The following GLDC variants were observed in gnomAD, a reference collection of about 807,000 sequenced individuals.
The protein encoded by GLDC is glycine decarboxylase, also known as glycine dehydrogenase (decarboxylating), mitochondrial.
A neutral mutation model predicts 121.3 loss-of-function variants in GLDC; 104 were observed. That is an observed-to-expected ratio of 0.86 (90% CI 0.73 to 1.01). The LOEUF is 1.01. Among genes scored for constraint, GLDC ranks in the 50% least tolerant of loss-of-function variants. The probability of loss-of-function intolerance (pLI) is 0.00; values close to 1 mark genes in which losing one functional copy is unlikely to be tolerated. For synonymous variants in GLDC, 546 were observed against 480.6 expected (o/e 1.14, Z -1.78); for missense variants, 1,429 against 1,306.6 (o/e 1.09, Z -1.44).
intron 15 of GLDC, among the ~76,000 whole-genome samples, chr9:6,576,137 C>T (rs968853192): frequency 1.3e-5 from 2 of 152,194 alleles, no homozygotes; most frequent in Admixed American, 1.3e-4. Context: ...TGGTTATTGT[C>T]TTAATCCATC....
At chr9:6,596,192 A>T (rs926638122) in intron 8 of GLDC, among the ~76,000 whole-genome samples, 1 of 152,220 alleles carries the variant, frequency 6.6e-6, no homozygotes, top group Non-Finnish European at 1.5e-5. Context: ...ACAGAAACCC[A>T]GGCCTGACAT....
intron 2 of GLDC, among the ~76,000 whole-genome samples, chr9:6,636,342 A>T (rs1040108469): frequency 6.6e-6 from 1 of 151,864 alleles, no homozygotes; most frequent in African/African-American, 2.4e-5. Context: ...ATGATGCATT[A>T]ATGTAGGTTC....
intron 4 of GLDC, among the ~76,000 whole-genome samples, chr9:6,608,659 T>C (rs10975685): frequency 0.03 from 4,546 of 151,576 alleles, 207 homozygotes; most frequent in African/African-American, 0.098. Flanking sequence ...GGCAGGAGAA[T>C]GGCGTGAACC....
intron 15 of GLDC, among the ~76,000 whole-genome samples, chr9:6,567,760 T>C (rs935501551): frequency 6.6e-6 from 1 of 152,218 alleles, no homozygotes; most frequent in Non-Finnish European, 1.5e-5. Flanking sequence ...ATCCTATACA[T>C]GTACTGGACA....
chr9:6,586,198 G>C (rs1159774679), intron 15 of GLDC, among the ~76,000 whole-genome samples: 4 of 152,098 alleles, frequency 2.6e-5, no homozygotes, highest in African/African-American at 9.7e-5. Context: ...GGGAGGCTGA[G>C]GCAGGAGAAT....
At position 6,595,126 on chromosome 9, in the gene GLDC, G is replaced by T. The variant is rs150095531; in HGVS notation, c.1156-7C>A. On this transcript the variant is annotated splice_polypyrimidine_tract_variant and splice_region_variant and intron_variant, in intron 8 of 24. Transcript: ENST00000321612. ...CCATATTCGCCAAGAGGGCCTAAAAGATAAGAACATTTAAAGAATCACGTG... is the reference window on the plus strand; with the variant it reads ...CCATATTCGCCAAGAGGGCCTAAAATATAAGAACATTTAAAGAATCACGTG... 3.2e-6 allele frequency: 5 copies of T among 1,570,224 alleles called. No individual in the cohort carries two copies. Among genetic ancestry groups the T allele is most frequent in the African/African-American group, 1.3e-5 (1 of 74,132 alleles).
intron 15 of GLDC, among the ~76,000 whole-genome samples, chr9:6,566,834 A>G (rs1817864135): frequency 6.6e-6 from 1 of 152,234 alleles, no homozygotes; most frequent in Admixed American, 6.5e-5. Flanking sequence ...AATGTTACCC[A>G]CAGAAAATCG....
rs1004708888 is a variant in GLDC, at chr9:6,559,729, C to T, written c.1927-1045G>A. On this transcript the variant is annotated intron_variant, in intron 16 of 24. Coordinates refer to ENST00000321612, the MANE Select transcript of GLDC (RefSeq NM_000170.3). ...ACTCAGGAGGCTGAGACAGAAGATT[C>T]GCTTGAATCCGGGAGGTGGAGGTTG... 4.8e-5 allele frequency among the ~76,000 whole-genome samples: 7 copies of T among 147,038 alleles called. No homozygotes were observed. The East Asian group carries it at 8.3e-4, about 17-fold the overall frequency.
intron 21 of GLDC, among the ~76,000 whole-genome samples, chr9:6,547,698 GCAAA>G (rs1817425677): frequency 6.6e-6 from 1 of 152,104 alleles, no homozygotes; most frequent in Admixed American, 6.5e-5. Context: ...TGTAATAAAT[GCAAA>G]CAAAGGGAAG....
intron 3 of GLDC, among the ~76,000 whole-genome samples, chr9:6,614,217 A>T (rs1040062179): frequency 1.1e-4 from 16 of 151,874 alleles, no homozygotes; most frequent in African/African-American, 3.4e-4. Flanking sequence ...ACTAAGTATT[A>T]AGAAGCACTG....
At chr9:6,619,274 G>C (rs1290761753) in intron 3 of GLDC, among the ~76,000 whole-genome samples, 4 of 151,378 alleles carry the variant, frequency 2.6e-5, no homozygotes, top group African/African-American at 7.3e-5. Context: ...TTCTAGAAGA[G>C]CCTGTCTACA....
intron 8 of GLDC, 151 bp from the exon 9 acceptor site, chr9:6,595,270 T>A: frequency 1.4e-6 from 1 of 718,062 alleles, no homozygotes; most frequent in Non-Finnish European, 2.5e-6. Context: ...ACAATTAATA[T>A]ATAACCTGCC....
At chr9:6,593,268 G>GATATATATATATATATAT (rs34438524) in intron 9 of GLDC, among the ~76,000 whole-genome samples, 12 of 143,940 alleles carry the variant, frequency 8.3e-5, no homozygotes, top group African/African-American at 2.6e-4. Flanking sequence ...GGTAGTATCA[G>GATATATATATATATATAT]ATATATATAT....
intron 16 of GLDC, among the ~76,000 whole-genome samples, chr9:6,561,953 C>T (rs141523437): frequency 5.6e-4 from 85 of 152,296 alleles, no homozygotes; most frequent in African/African-American, 2.0e-3. Context: ...AAAAAATATT[C>T]CCATACAGGT....
chr9:6,629,443 G>A (rs953800422), intron 2 of GLDC, among the ~76,000 whole-genome samples: 14 of 152,020 alleles, frequency 9.2e-5, no homozygotes, highest in African/African-American at 3.1e-4. Context: ...TTGAACTCCT[G>A]ACCTCAGGTG....
intron 3 of GLDC, 90 bp from the exon 4 acceptor site, chr9:6,610,446 A>G: frequency 7.7e-7 from 1 of 1,298,310 alleles, no homozygotes; most frequent in Non-Finnish European, 1.1e-6. Context: ...GTACCTGAAA[A>G]TAATTTGCCT....
At chr9:6,534,588 T>C in intron 24 of GLDC, 120 bp downstream of exon 24, 1 of 692,266 alleles carries the variant, frequency 1.4e-6, no homozygotes, top group African/African-American at 1.8e-5. Context: ...TTCAAGACCC[T>C]TATTTCACAA....
intron 2 of GLDC, among the ~76,000 whole-genome samples, chr9:6,633,612 AC>A (rs1419826909): frequency 8.6e-5 from 13 of 152,010 alleles, no homozygotes; most frequent in Non-Finnish European, 1.5e-5. Context: ...TGGATCAACC[AC>A]CACGTCTGTA....
At chr9:6,634,066 G>C (rs1819448295) in intron 2 of GLDC, among the ~76,000 whole-genome samples, 1 of 151,774 alleles carries the variant, frequency 6.6e-6, no homozygotes, top group Non-Finnish European at 1.5e-5. Flanking sequence ...TCCTGATCTT[G>C]TGATCCACCC....
Sources: allele counts gnomAD v4.1 joint callset (sites outside exome capture counted in the v4.1 genomes callset), GRCh38; gene constraint gnomAD v4.1.1; transcripts MANE v1.5; gene names NCBI Gene and HGNC (gene_info 2026-07-23, HGNC 2026-07-21).